The following SOX6 variants were observed in gnomAD, a reference collection of about 807,000 sequenced individuals.
SOX6 encodes the protein SRY-box transcription factor 6.
A neutral mutation model predicts 97.8 loss-of-function variants in SOX6; 11 were observed. The ratio of observed to expected loss-of-function variants is 0.11; its 90% confidence interval spans 0.07 to 0.19. SOX6 has a LOEUF of 0.19. SOX6 is among the 10% of genes least tolerant of loss of function. The pLI is 1.00. For missense variants in SOX6, 810 were observed against 1,039.5 expected (o/e 0.78, Z 3.04); for synonymous variants, 360 against 371.4 (o/e 0.97, Z 0.35).
intron 4 of SOX6, among the ~76,000 whole-genome samples, chr11:16,536,825 C>G (rs756351028): frequency 2.6e-5 from 4 of 152,250 alleles, no homozygotes; most frequent in Non-Finnish European, 5.9e-5. Context: ...GAGCCCACCA[C>G]AGATCAGCAA....
At chr11:16,448,244 C>T (rs1167643364) in intron 1 of SOX6, among the ~76,000 whole-genome samples, 2 of 152,122 alleles carry the variant, frequency 1.3e-5, no homozygotes, top group African/African-American at 4.8e-5. Context: ...TCAAATGCTC[C>T]AGGTTAATAA....
In SOX6 at chr11:16,709,893, TCTC is replaced by T. The variant is rs1212104929; in HGVS notation, n.429+4934_429+4936del. Among the ~76,000 whole-genome samples the T allele has an allele frequency of 2.6e-5, 4 of 152,118 alleles. No individual in the cohort carries two copies. In the East Asian group the frequency reaches 7.7e-4, roughly 29 times the overall value. On this transcript the variant is annotated intron_variant and non_coding_transcript_variant, in intron 3 of 5. Transcript: ENST00000524520. ...TTCCAAAGAATGAATATCTCACACT[TCTC>T]CTCTACCAGCCATCCATTATCAATT...
chr11:16,237,969 A>G (rs879561519), intron 3 of SOX6, among the ~76,000 whole-genome samples: 1 of 151,944 alleles, frequency 6.6e-6, no homozygotes, highest in African/African-American at 2.4e-5. Context: ...ATATGTACAT[A>G]TTTTTAAAAA....
chr11:16,230,128 T>A (rs184379671), intron 4 of SOX6, among the ~76,000 whole-genome samples: 39 of 151,988 alleles, frequency 2.6e-4, no homozygotes, highest in Non-Finnish European at 4.9e-4. Context: ...CAAGTTATTT[T>A]AATAGACCAA....
At chr11:16,178,380 T>C (rs1380356524) in intron 6 of SOX6, among the ~76,000 whole-genome samples, 1 of 151,968 alleles carries the variant, frequency 6.6e-6, no homozygotes, top group Non-Finnish European at 1.5e-5. Context: ...GTTAATTAGA[T>C]TACATAAAAG....
chr11:16,655,556 C>T (rs1011233372), intron 3 of SOX6, among the ~76,000 whole-genome samples: 1 of 152,198 alleles, frequency 6.6e-6, no homozygotes, highest in Non-Finnish European at 1.5e-5. Flanking sequence ...TTATCCTGCT[C>T]AGTACTCAAA....
At chr11:16,419,370 C>A (rs1412774695) in intron 1 of SOX6, among the ~76,000 whole-genome samples, 1 of 151,884 alleles carries the variant, frequency 6.6e-6, no homozygotes, top group Non-Finnish European at 1.5e-5. Context: ...ATATGCTTTT[C>A]CATATAAACT....
intron 6 of SOX6, among the ~76,000 whole-genome samples, chr11:16,130,672 A>T (rs1352059544): frequency 1.3e-5 from 2 of 152,008 alleles, no homozygotes; most frequent in Non-Finnish European, 2.9e-5. Flanking sequence ...GAAAAAAAAT[A>T]GTCAAAACAA....
In SOX6 at chr11:15,969,426, C is replaced by A. The variant is rs1246007834; in HGVS notation, c.*3383G>T. The A allele has an allele frequency of 6.6e-6, 1 of 152,098 alleles. No homozygotes were observed. Among genetic ancestry groups the A allele is most frequent in the East Asian group, 1.9e-4 (1 of 5,192 alleles). The allele number at this position is 152,098 out of a possible 1,614,324, so 9.4% of individuals were successfully genotyped here. Reference sequence around the variant, plus strand: ...TAACTGTAGTGGAAATTTAGTATGTCCAATCATCAACTTTCTGTAAGAAAA... The same window carrying A: ...TAACTGTAGTGGAAATTTAGTATGTACAATCATCAACTTTCTGTAAGAAAA... On this transcript the variant is annotated 3_prime_UTR_variant, in exon 16 of 16. Transcript: ENST00000683767.
chr11:16,522,807 CA>C (rs879694925), intron 4 of SOX6, among the ~76,000 whole-genome samples: 36 of 151,614 alleles, frequency 2.4e-4, no homozygotes, highest in Non-Finnish European at 4.3e-4. Flanking sequence ...AAATGGAAAG[CA>C]AAAAAAGGCA....
At chr11:16,472,609 C>A (rs1473989906) in intron 1 of SOX6, among the ~76,000 whole-genome samples, 1 of 151,958 alleles carries the variant, frequency 6.6e-6, no homozygotes, top group Admixed American at 6.6e-5. Flanking sequence ...CATAAAATAA[C>A]AATTTATTAT....
At position 16,055,896 on chromosome 11, in the gene SOX6, G is replaced by T. The variant is rs377310754; in HGVS notation, c.1107C>A (p.Leu369=). 2.5e-6 allele frequency: 4 copies of T among 1,613,556 alleles called. No homozygotes were observed. Among genetic ancestry groups the T allele is most frequent in the Non-Finnish European group, 3.4e-6 (4 of 1,179,750 alleles). The stretch of plus-strand genomic sequence containing the variant: ...GCATGCTGGCCAGCTGAGCGGCATA[G>T]AGCTGCTGCAAAACAGGGAAGACAA... ...HSYNHKQIEQ[L]YAAQLASMQV... Residue 369 remains leucine (L), a synonymous_variant, in exon 10 of 16, where the codon CTC becomes CTA. Transcript: ENST00000683767.
intron 1 of SOX6, among the ~76,000 whole-genome samples, chr11:16,390,210 A>G (rs1267054076): frequency 6.9e-6 from 1 of 144,882 alleles, no homozygotes; most frequent in Non-Finnish European, 1.5e-5. Flanking sequence ...CTCACCTCTT[A>G]GCAGTTGTGG....
chr11:16,231,912 G>T (rs910788153), intron 4 of SOX6, among the ~76,000 whole-genome samples: 1 of 151,648 alleles, frequency 6.6e-6, no homozygotes, highest in African/African-American at 2.4e-5. Context: ...ATTTTGTGGG[G>T]AAAATTAACA....
chr11:16,538,663 G>A (rs1403161202), intron 4 of SOX6, among the ~76,000 whole-genome samples: 2 of 152,082 alleles, frequency 1.3e-5, no homozygotes, highest in South Asian at 2.1e-4. Flanking sequence ...AAAAAAAGCA[G>A]GGGTTGCAAT....
chr11:16,658,039 G>A (rs1590041806), intron 3 of SOX6, among the ~76,000 whole-genome samples: 1 of 152,058 alleles, frequency 6.6e-6, no homozygotes, highest in Admixed American at 6.6e-5. Flanking sequence ...CATAAAAATC[G>A]CTTTGTGTAT....
At chr11:16,662,216 C>T (rs775669698) in intron 3 of SOX6, among the ~76,000 whole-genome samples, 4 of 152,098 alleles carry the variant, frequency 2.6e-5, no homozygotes, top group Non-Finnish European at 5.9e-5. Flanking sequence ...CAACAAATTC[C>T]CTCAGTTTTT....
At chr11:16,619,321 T>C (rs1406426093) in intron 3 of SOX6, among the ~76,000 whole-genome samples, 1 of 151,534 alleles carries the variant, frequency 6.6e-6, no homozygotes, top group East Asian at 1.9e-4. Context: ...CCATGCTCTG[T>C]GCTTTTTTTT....
At chr11:16,225,217 C>A (rs575536084) in intron 4 of SOX6, among the ~76,000 whole-genome samples, 2 of 151,888 alleles carry the variant, frequency 1.3e-5, no homozygotes, top group Non-Finnish European at 2.9e-5. Context: ...AAAGAGACAG[C>A]AAAAATCCCT....
Sources: allele counts gnomAD v4.1 joint callset (sites outside exome capture counted in the v4.1 genomes callset), GRCh38; gene constraint gnomAD v4.1.1; transcripts MANE v1.5; gene names NCBI Gene and HGNC (gene_info 2026-07-23, HGNC 2026-07-21).